Variants in SLC4A11 observed in about 807,000 individuals in gnomAD.
SLC4A11 encodes the protein solute carrier family 4 member 11, also known as bicarbonate transporter related protein 1.
Under a neutral mutation model 95.0 loss-of-function variants are expected in SLC4A11, and 74 were observed. That is an observed-to-expected ratio of 0.78 (90% confidence interval 0.65 to 0.95). The LOEUF is 0.95. Ranked by LOEUF, SLC4A11 falls within the 40% of genes least tolerant of loss-of-function variation. The pLI, the probability that SLC4A11 is intolerant of heterozygous loss-of-function variation, is 0.00. For missense variants in SLC4A11, 1,081 were observed against 1,192.4 expected, an observed-to-expected ratio of 0.91 and a Z score of 1.38; for synonymous variants, 548 against 519.0, an observed-to-expected ratio of 1.06 and a Z score of -0.76.
At chr20:3,238,170 G>A (rs572874691) in intron 1 of SLC4A11, 28 of 1,442,192 alleles carry the variant, frequency 1.9e-5, no homozygotes, top group South Asian at 1.4e-4. Context: ...CTGGAAGCCA[G>A]AGCCGTTGGT....
Position 3,229,741 on chromosome 20 carries a change from C to G in SLC4A11, c.1525G>C (p.Asp509His). ...GATGAAGTCCTTTTTGTGTGATAGT[C>G]GTCCAAGTAATGCCCATAGTAGTAC... Reference protein sequence around the residue: ...WKYYYGHYLDDYHTKRTSSLV... With the variant: ...WKYYYGHYLDHYHTKRTSSLV... Residue 509 changes from aspartate (D) to histidine (H), a missense_variant, in exon 14 of 20, where the codon GAC (aspartate) becomes CAC (histidine). This residue lies in a region of SLC4A11 where 767 missense variants were observed against 858.0 expected (regional missense o/e 0.89). Coordinates refer to ENST00000642402, the MANE Select transcript of SLC4A11 (RefSeq NM_001174089.2). 2 of 1,613,978 alleles carry G rather than the reference C, an allele frequency of 1.2e-6. No homozygotes were observed. Among genetic ancestry groups the G allele is most frequent in the Non-Finnish European group, 1.7e-6 (2 of 1,179,998 alleles).
At chr20:3,230,900 A>AC in intron 10 of SLC4A11, 33 bp downstream of exon 10, 1 of 1,610,750 alleles carries the variant, frequency 6.2e-7, no homozygotes, top group Middle Eastern at 1.7e-4. Context: ...AGCCCAGCAT[A>AC]CCCCCACCCA....
Position 3,234,031 on chromosome 20 carries a change from G to A in SLC4A11, c.524-29C>T, listed in dbSNP as rs2122596952. 13 of 1,613,380 alleles carry A rather than the reference G, an allele frequency of 8.1e-6. No individual in the cohort carries two copies. The highest frequency in any genetic ancestry group is 1.1e-5 in the Non-Finnish European group (13 of 1,179,642). On this transcript the variant is annotated intron_variant, in intron 5 of 19. Transcript: ENST00000642402. This position sits in a 1 kb window ranked among gnomAD's most constrained non-coding sequence, Gnocchi z 5.8. ...AGGAAAGAGTGAGGGGGAGGGTGGT[G>A]GGTCAACAGCCCCTCCCAACGCCCC...
At chr20:3,237,095 T>A (rs1449315778) in intron 2 of SLC4A11, among the ~76,000 whole-genome samples, 1 of 151,774 alleles carries the variant, frequency 6.6e-6, no homozygotes, top group Non-Finnish European at 1.5e-5. Context: ...CCCAGAGACA[T>A]GAGGAGGAAG....
In SLC4A11 at chr20:3,231,346, G is replaced by T. The variant is rs760889152; in HGVS notation, c.932C>A (p.Ala311Asp). 6.2e-7 allele frequency: 1 copy of T among 1,614,018 alleles called. No homozygotes were observed. The highest frequency in any genetic ancestry group is 1.7e-5 in the Admixed American group (1 of 60,028). Residue 311 changes from alanine (A) to aspartate (D), a missense_variant, in exon 8 of 20, where the codon GCC (alanine) becomes GAC (aspartate). Physicochemically the swap from Ala to Asp is moderately radical, Grantham distance 126. Around this residue, in one of 3 missense-constraint regions of SLC4A11, gnomAD observed 767 missense variants for 858.0 expected, o/e 0.89. Coordinates refer to ENST00000642402, the MANE Select transcript of SLC4A11 (RefSeq NM_001174089.2). The surrounding 1 kb of genome is among the most constrained non-coding windows in gnomAD (Gnocchi z 5.2). ...TKERSTVSLP[A>D]HRHPEPPKCK... ...ACCCTGTACCTCTGGGTGTCTGTGG[G>T]CAGGGAGGGAGACTGTGCTGCGTTC...
At chr20:3,239,542 G>A, upstream of SLC4A11, 1 of 989,808 alleles carries the variant, frequency 1.0e-6, no homozygotes, top group Middle Eastern at 5.1e-4. Context: ...ACCGAGCTGT[G>A]CGACTGAGGC....
chr20:3,228,535 C>G lies in SLC4A11; in HGVS notation c.2365G>C (p.Val789Leu), dbSNP rs145325200. 7.4e-6 allele frequency: 12 copies of G among 1,612,986 alleles called. No individual in the cohort carries two copies. Among genetic ancestry groups the G allele is most frequent in the Non-Finnish European group, 6.8e-6 (8 of 1,179,938 alleles). The change falls in exon 18 of 20, where the codon GTG (valine) becomes CTG (leucine). Residue 789 changes from valine (V) to leucine (L), a missense_variant. Around this residue, in one of 3 missense-constraint regions of SLC4A11, gnomAD observed 767 missense variants for 858.0 expected, o/e 0.89. Transcript: ENST00000642402. Reference protein sequence around the residue: ...SLDGNQLVQRVALLLKEQTAY... With the variant: ...SLDGNQLVQRLALLLKEQTAY... ...ACCTGCTCCTTGAGCAGCAGGGCCA[C>G]GCGCTGGACGAGCTGGTTGCCATCG...
Position 3,229,632 on chromosome 20 carries a change from G to A in SLC4A11, c.1634C>T (p.Thr545Met), listed in dbSNP as rs755379986. The change falls in exon 14 of 20, where the codon ACG becomes ATG. Residue 545 changes from threonine to methionine, a missense_variant. Around this residue, in one of 3 missense-constraint regions of SLC4A11, gnomAD observed 767 missense variants for 858.0 expected, o/e 0.89. Coordinates refer to ENST00000642402, the MANE Select transcript of SLC4A11 (RefSeq NM_001174089.2). ...ALNASFLASP[T>M]ELPSATHSGQ... ...TGAGTGTGTGGCCGAGGGCAGCTCC[G>A]TGGGGCTGGCGAGGAAGCTGGCGTT... is the stretch of plus-strand genomic sequence containing the variant. 41 of 1,613,272 alleles carry A rather than the reference G, an allele frequency of 2.5e-5. No homozygotes were observed. The highest frequency in any genetic ancestry group is 1.8e-4 in the East Asian group (8 of 44,886).
rs747573446 is a variant in SLC4A11, at chr20:3,237,612, C to G, written c.44-24G>C. On this transcript the variant is annotated intron_variant, in intron 1 of 19. Transcript: ENST00000642402. ...TTCTGCAAGGGAAGCAGAAAGGTCA[C>G]CAGCCCCATGGACCAAGCCCTGGAC... The G allele has an allele frequency of 5.5e-5, 88 of 1,613,942 alleles. No homozygotes were observed. Among genetic ancestry groups the G allele is most frequent in the Non-Finnish European group, 7.3e-5 (86 of 1,180,016 alleles).
chr20:3,228,213 C>T (rs1474436604), intron 19 of SLC4A11, 46 bp downstream of exon 19: 3 of 1,569,312 alleles, frequency 1.9e-6, no homozygotes, highest in Admixed American at 3.5e-5. Context: ...GCCCATTCTC[C>T]ACACCTAGAC....
At position 3,227,698 on chromosome 20, in the gene SLC4A11, C is replaced by T; in HGVS notation, c.*89G>A. The T allele has an allele frequency of 2.1e-6, 3 of 1,410,536 alleles. No homozygotes were observed. Among genetic ancestry groups the T allele is most frequent in the Non-Finnish European group, 3.0e-6 (3 of 1,013,750 alleles). The allele number at this position is 1,410,536 out of a possible 1,614,324, so 87.4% of individuals were successfully genotyped here. A position where few individuals can be genotyped will look rare whatever the true frequency, so the allele number is the denominator to read the frequency against. On this transcript the variant is annotated 3_prime_UTR_variant, in exon 20 of 20. Transcript: ENST00000642402. Reference sequence around the variant, plus strand: ...AGAAGGCGCAGCACAGAGCAGTCACCCACACACCTACACCTCCCCTCACAG... The same window carrying T: ...AGAAGGCGCAGCACAGAGCAGTCACTCACACACCTACACCTCCCCTCACAG...
At position 3,231,551 on chromosome 20, in the gene SLC4A11, A is replaced by G; in HGVS notation, c.730-3T>C. On this transcript the variant is annotated splice_region_variant and splice_polypyrimidine_tract_variant and intron_variant, in intron 7 of 19. Transcript: ENST00000642402. The surrounding 1 kb of genome is among the most constrained non-coding windows in gnomAD (Gnocchi z 5.2). ...TCCATCGCAGTCTTAGTGCTTTTCT[A>G]GGGGTGGAGGATGGGAGTCACCCCT... The G allele has an allele frequency of 1.2e-6, 2 of 1,610,392 alleles. No homozygotes were observed. Among genetic ancestry groups the G allele is most frequent in the Non-Finnish European group, 1.7e-6 (2 of 1,179,178 alleles).
At position 3,228,724 on chromosome 20, in the gene SLC4A11, C is replaced by T. The variant is rs372846195; in HGVS notation, c.2193-17G>A. ...TTCACAATCCTGCGGTGGCCCGAGC[C>T]GCGAGTGTCACCTCTGCGCCCCTGT... On this transcript the variant is annotated splice_polypyrimidine_tract_variant and intron_variant, in intron 17 of 19. Coordinates refer to ENST00000642402, the MANE Select transcript of SLC4A11 (RefSeq NM_001174089.2). 5.8e-5 allele frequency: 94 copies of T among 1,612,604 alleles called. No individual in the cohort carries two copies. The highest frequency in any genetic ancestry group is 1.0e-4 in the Admixed American group (6 of 59,894).
Position 3,234,965 on chromosome 20 carries a change from C to G in SLC4A11, c.89-71G>C. On this transcript the variant is annotated intron_variant, in intron 2 of 19. Transcript: ENST00000642402. This position sits in a 1 kb window ranked among gnomAD's most constrained non-coding sequence, Gnocchi z 5.8. ...ACACAGGAAGGAGGGGCTCCAAGCCCAGGGAGCAGGGACCCCTGGACTGTC... is the reference window on the plus strand; with the variant it reads ...ACACAGGAAGGAGGGGCTCCAAGCCGAGGGAGCAGGGACCCCTGGACTGTC... 1 of 1,590,852 alleles carries G rather than the reference C, an allele frequency of 6.3e-7. No individual in the cohort carries two copies. The highest frequency in any genetic ancestry group is 8.6e-7 in the Non-Finnish European group (1 of 1,161,386).
intron 1 of SLC4A11, 187 bp downstream of exon 1, chr20:3,238,908 A>C: frequency 1.6e-6 from 2 of 1,255,644 alleles, no homozygotes; most frequent in South Asian, 2.8e-5. Context: ...GGTGGCCGCG[A>C]AGCCGCGCCC....
chr20:3,232,391 T>C (rs6051665), intron 7 of SLC4A11, among the ~76,000 whole-genome samples: 2,349 of 152,354 alleles, frequency 0.015, 60 homozygotes, highest in African/African-American at 0.054. Context: ...GCACTGTGCA[T>C]GTTTGCTGTA....
rs2067882550 is a variant in SLC4A11, at chr20:3,234,115, A to T, written c.491T>A (p.Phe164Tyr). The T allele has an allele frequency of 1.9e-6, 3 of 1,614,058 alleles. No homozygotes were observed. Among genetic ancestry groups the T allele is most frequent in the African/African-American group, 2.7e-5 (2 of 75,054 alleles). The change falls in exon 5 of 20, where the codon TTC becomes TAC. Residue 164 changes from phenylalanine (F) to tyrosine (Y), a missense_variant. By Grantham distance (22) the Phe-to-Tyr change is conservative. Coordinates refer to ENST00000642402, the MANE Select transcript of SLC4A11 (RefSeq NM_001174089.2). This position sits in a 1 kb window ranked among gnomAD's most constrained non-coding sequence, Gnocchi z 5.8. ...CCGCATGGGTGCCCCGGCATCGGTG[A>T]AGAGCATGGCCATGAGCAGGTCCAG... is the stretch of plus-strand genomic sequence containing the variant. ...CNLDLLMAML[F>Y]TDAGAPMRGK...
chr20:3,233,434 C>A lies in SLC4A11; in HGVS notation c.729+80G>T, dbSNP rs376631356. 6.4e-5 allele frequency: 102 copies of A among 1,600,156 alleles called. No homozygotes were observed. The African/African-American group carries it at 1.0e-3, about 16-fold the overall frequency. On this transcript the variant is annotated intron_variant, in intron 7 of 19. Coordinates refer to ENST00000642402, the MANE Select transcript of SLC4A11 (RefSeq NM_001174089.2). ...AGGACCAGGCCTTCAGAGGCCAGGACATGTGGGAGGGGACCCCAAGCAGAG... is the reference window on the plus strand; with the variant it reads ...AGGACCAGGCCTTCAGAGGCCAGGAAATGTGGGAGGGGACCCCAAGCAGAG...
At position 3,231,033 on chromosome 20, in the gene SLC4A11, C is replaced by T. The variant is rs2122550583; in HGVS notation, c.1068G>A (p.Val356=). 4 of 1,614,092 alleles carry T rather than the reference C, an allele frequency of 2.5e-6. No homozygotes were observed. Among genetic ancestry groups the T allele is most frequent in the Non-Finnish European group, 3.4e-6 (4 of 1,180,044 alleles). Residue 356 remains valine (V), a synonymous_variant, in exon 10 of 20, where the codon GTG becomes GTA. Transcript: ENST00000642402. The surrounding 1 kb of genome is among the most constrained non-coding windows in gnomAD (Gnocchi z 5.2). The part of the protein sequence containing the change: ...TDGIIGKNKA[V]GKYITTTLFL... ...ACAGGGTGGTGGTGATGTATTTGCCCACAGCCTTGTTTTTCCCAATAATGC... is the reference window on the plus strand; with the variant it reads ...ACAGGGTGGTGGTGATGTATTTGCCTACAGCCTTGTTTTTCCCAATAATGC...
Sources: gnomAD v4.1 joint callset for allele counts (sites outside exome capture counted in the v4.1 genomes callset) on GRCh38, gnomAD v4.1.1 for gene constraint, gnomAD v4.1.1 regional missense constraint, Gnocchi (gnomAD v3.1) non-coding constraint, MANE v1.5 for transcripts, NCBI Gene and HGNC (gene_info 2026-07-23, HGNC 2026-07-21) for gene names.